The following TET3 variants were observed in gnomAD, a reference collection of about 807,000 sequenced individuals.
TET3 encodes the protein tet methylcytosine dioxygenase 3, also known as methylcytosine dioxygenase TET3.
TET3 carries 19 observed loss-of-function variants against 141.4 expected under a neutral mutation model. That is an observed-to-expected ratio of 0.13 (90% CI 0.09 to 0.20). The LOEUF is 0.20. Ranked by LOEUF, TET3 falls within the 10% of genes least tolerant of loss-of-function variation. TET3 has a pLI of 1.00. For synonymous variants in TET3, 1,043 were observed against 980.9 expected (o/e 1.06, Z -1.18); for missense variants, 1,874 against 2,356.9 (o/e 0.80, Z 4.24).
intron 3 of TET3, among the ~76,000 whole-genome samples, chr2:74,004,119 A>AG (rs1200631072): frequency 1.3e-5 from 2 of 152,084 alleles, no homozygotes; most frequent in African/African-American, 4.8e-5. Flanking sequence ...AGAGGCTGGA[A>AG]GGGAGCATGG....
intron 3 of TET3, among the ~76,000 whole-genome samples, chr2:74,025,945 AAAT>A (rs1016900981): frequency 6.6e-6 from 1 of 152,108 alleles, no homozygotes; most frequent in Admixed American, 6.5e-5. Flanking sequence ...CTCCAAAAAA[AAAT>A]AATAATAATA....
chr2:74,087,143 A>T lies in TET3; in HGVS notation c.2680-687A>T, dbSNP rs1361445261. 6.6e-6 allele frequency among the ~76,000 whole-genome samples: 1 copy of T among 152,208 alleles called. No individual in the cohort carries two copies. Among genetic ancestry groups the T allele is most frequent in the Non-Finnish European group, 1.5e-5 (1 of 68,040 alleles). On this transcript the variant is annotated intron_variant, in intron 6 of 11. Coordinates refer to ENST00000409262, the MANE Select transcript of TET3 (RefSeq NM_001287491.2). This position sits in a 1 kb window ranked among gnomAD's most constrained non-coding sequence, Gnocchi z 4.3. ...GTTCATCCATGTTGTAACATGGATC[A>T]GAATTTTGTTTCTCTTTAAGGCTGA...
Position 74,032,673 on chromosome 2 carries a change from T to G in TET3, c.361-13605T>G, listed in dbSNP as rs1686817841. ...CGGCTGGCCTCTGTCCACCGGCTGC[T>G]TGAGGCAGGGGCTTCCGTCAGGAGA... On this transcript the variant is annotated intron_variant, in intron 3 of 11. Transcript: ENST00000409262. Among the ~76,000 whole-genome samples the G allele has an allele frequency of 3.9e-5, 6 of 152,106 alleles. No homozygotes were observed. In the South Asian group the frequency reaches 1.2e-3, roughly 31 times the overall value.
At chr2:74,113,181 T>C in the TET3 span, among the ~76,000 whole-genome samples, 2 of 151,880 alleles carry the variant, frequency 1.3e-5, no homozygotes, top group African/African-American at 2.4e-5. Flanking sequence ...ACGAGGTAGT[T>C]CGAGACCAGC....
Position 73,986,575 on chromosome 2 carries a change from G to A in TET3, c.172G>A (p.Gly58Ser), listed in dbSNP as rs1306210662. Residue 58 changes from glycine to serine, a missense_variant, in exon 2 of 12, where the codon GGT becomes AGT. This residue lies in a region of TET3 where 366 missense variants were observed against 487.0 expected (regional missense o/e 0.75). Coordinates refer to ENST00000409262, the MANE Select transcript of TET3 (RefSeq NM_001287491.2). Reference protein sequence around the residue: ...GDGRKKRKRCGTCEPCRRLEN... With the variant: ...GDGRKKRKRCSTCEPCRRLEN... ...TGGTCGAAAGAAACGGAAACGGTGTGGTACTTGTGAGCCCTGCCGGCGGCT... is the reference window on the plus strand; with the variant it reads ...TGGTCGAAAGAAACGGAAACGGTGTAGTACTTGTGAGCCCTGCCGGCGGCT... 14 of 1,232,086 alleles carry A rather than the reference G, an allele frequency of 1.1e-5. No homozygotes were observed. Among genetic ancestry groups the A allele is most frequent in the African/African-American group, 1.6e-5 (1 of 64,412 alleles). The allele number at this position is 1,232,086 out of a possible 1,614,324, so 76.3% of individuals were successfully genotyped here.
chr2:74,014,635 A>G (rs1015935125), intron 3 of TET3, among the ~76,000 whole-genome samples: 1 of 152,144 alleles, frequency 6.6e-6, no homozygotes, highest in Non-Finnish European at 1.5e-5. Flanking sequence ...CTAGGCCGAA[A>G]TGGAAGTTTT....
At chr2:73,993,254 A>G (rs969023813) in intron 2 of TET3, 4 of 152,232 alleles carry the variant, frequency 2.6e-5, no homozygotes, top group African/African-American at 9.6e-5. Context: ...GGACTATTCT[A>G]TGGCAAATTG....
chr2:74,004,874 G>A (rs1220273836), intron 3 of TET3, among the ~76,000 whole-genome samples: 4 of 152,170 alleles, frequency 2.6e-5, no homozygotes, highest in Admixed American at 1.3e-4. Context: ...GCTGTTGGAG[G>A]GGTGTGGGCA....
chr2:74,082,313 T>G (rs908102774), intron 6 of TET3, among the ~76,000 whole-genome samples: 1 of 152,246 alleles, frequency 6.6e-6, no homozygotes, highest in East Asian at 1.9e-4. Flanking sequence ...TGGGGCCAGT[T>G]CCTGGGGCTG....
chr2:74,125,150 GTGCCTGCCACCTGCA>G, the TET3 span, among the ~76,000 whole-genome samples: 1 of 151,924 alleles, frequency 6.6e-6, no homozygotes, highest in Non-Finnish European at 1.5e-5. Context: ...GGGATTACAG[GTGCCTGCCACCTGCA>G]GAGACAGGGT....
At chr2:74,055,744 A>T (rs1399645478) in intron 4 of TET3, among the ~76,000 whole-genome samples, 1 of 152,208 alleles carries the variant, frequency 6.6e-6, no homozygotes, top group Non-Finnish European at 1.5e-5. Flanking sequence ...CTTTATCCTC[A>T]TGAATGGATT....
intron 2 of TET3, among the ~76,000 whole-genome samples, chr2:74,001,058 A>G (rs1250216713): frequency 6.6e-6 from 1 of 152,172 alleles, no homozygotes; most frequent in Non-Finnish European, 1.5e-5. Flanking sequence ...GTTGAGGGGC[A>G]CAGAAACCCA....
At chr2:74,013,729 G>A (rs949188863) in intron 3 of TET3, among the ~76,000 whole-genome samples, 2 of 152,062 alleles carry the variant, frequency 1.3e-5, no homozygotes, top group African/African-American at 2.4e-5. Flanking sequence ...GGAGAATGGT[G>A]TGAACTGAGG....
chr2:73,999,557 G>A (rs1684746616), intron 2 of TET3, among the ~76,000 whole-genome samples: 1 of 152,112 alleles, frequency 6.6e-6, no homozygotes, highest in Non-Finnish European at 1.5e-5. Context: ...TCAGTGTTAG[G>A]GCATTTTGTG....
At chr2:74,083,970 G>A (rs182510617) in intron 6 of TET3, among the ~76,000 whole-genome samples, 87 of 152,264 alleles carry the variant, frequency 5.7e-4, no homozygotes, top group Non-Finnish European at 8.5e-4. Flanking sequence ...GATGTGCGTC[G>A]ATGCCCGTGA....
In TET3 at chr2:74,101,707, C is replaced by T. The variant is rs750771406; in HGVS notation, c.4919C>T (p.Ser1640Leu). 6.2e-7 allele frequency: 1 copy of T among 1,613,562 alleles called. No individual in the cohort carries two copies. Among genetic ancestry groups the T allele is most frequent in the Non-Finnish European group, 8.5e-7 (1 of 1,179,880 alleles). The change falls in exon 12 of 12, where the codon TCG (serine) becomes TTG (leucine). Residue 1640 changes from serine to leucine, a missense_variant. Transcript: ENST00000409262. This position sits in a 1 kb window ranked among gnomAD's most constrained non-coding sequence, Gnocchi z 8.5. ...GAEEEEEELW[S>L]DSEHNFLDEN... Reference sequence around the variant, plus strand: ...GAGGAGGAAGAGGAGGAGCTGTGGTCGGACAGTGAACACAACTTCCTGGAC... The same window carrying T: ...GAGGAGGAAGAGGAGGAGCTGTGGTTGGACAGTGAACACAACTTCCTGGAC...
downstream of TET3, among the ~76,000 whole-genome samples, chr2:74,113,040 C>T (rs1330480171): frequency 1.4e-5 from 2 of 139,970 alleles, no homozygotes; most frequent in Non-Finnish European, 3.1e-5. Flanking sequence ...AAAAAACCCA[C>T]AGTTAACATC....
chr2:74,062,105 C>T (rs551209514), intron 4 of TET3, among the ~76,000 whole-genome samples: 27 of 152,302 alleles, frequency 1.8e-4, no homozygotes, highest in Admixed American at 4.6e-4. Context: ...GCCGAGAGCA[C>T]GCCACTGCAC....
chr2:74,086,791 T>TAA (rs33942081), intron 6 of TET3, among the ~76,000 whole-genome samples: 12,826 of 93,842 alleles, frequency 0.14, 1,220 homozygotes, highest in African/African-American at 0.28. Flanking sequence ...ACCCTGACTC[T>TAA]AAAAAAAAAA....
Sources: gnomAD v4.1 joint callset for allele counts (sites outside exome capture counted in the v4.1 genomes callset) on GRCh38, gnomAD v4.1.1 for gene constraint, gnomAD v4.1.1 regional missense constraint, Gnocchi (gnomAD v3.1) non-coding constraint, MANE v1.5 for transcripts, NCBI Gene and HGNC (gene_info 2026-07-23, HGNC 2026-07-21) for gene names.